Variants in PCDHGB1 observed in about 807,000 individuals in gnomAD.
PCDHGB1 encodes the protein protocadherin gamma subfamily B, 1, also known as protocadherin gamma-B1.
PCDHGB1 carries 34 observed loss-of-function variants against 56.6 expected under a neutral mutation model. That is an observed-to-expected ratio of 0.60 (90% CI 0.46 to 0.80). PCDHGB1 has a LOEUF of 0.80. Ranked by LOEUF, PCDHGB1 falls within the 30% of genes least tolerant of loss-of-function variation. The pLI, the probability that PCDHGB1 is intolerant of heterozygous loss-of-function variation, is 0.00. For synonymous variants in PCDHGB1, 561 were observed against 505.9 expected (o/e 1.11, Z -1.46); for missense variants, 1,278 against 1,204.6 (o/e 1.06, Z -0.90).
Position 141,491,417 on chromosome 5 carries a change from G to A in PCDHGB1, c.2410-3390G>A, listed in dbSNP as rs200843744. 5 of 1,613,988 alleles carry A rather than the reference G, an allele frequency of 3.1e-6. No homozygotes were observed. The highest frequency in any genetic ancestry group is 1.1e-5 in the South Asian group (1 of 91,092). Reference sequence around the variant, plus strand: ...CAGGGAAACGCAGACGGGGACGGGGGTGGAGGGCAGTGCTGCAGGCGCCAG... The same window carrying A: ...CAGGGAAACGCAGACGGGGACGGGGATGGAGGGCAGTGCTGCAGGCGCCAG... On this transcript the variant is annotated intron_variant, in intron 1 of 3. Transcript: ENST00000523390. The surrounding 1 kb of genome is among the most constrained non-coding windows in gnomAD (Gnocchi z 6.9).
At chr5:141,390,285 A>T (rs1428739924) in intron 1 of PCDHGB1, 1 of 1,613,968 alleles carries the variant, frequency 6.2e-7, no homozygotes, top group Non-Finnish European at 8.5e-7. Flanking sequence ...CCATCAGGTG[A>T]GTTTCCTTTA....
At chr5:141,464,407 A>C (rs996561936) in intron 1 of PCDHGB1, among the ~76,000 whole-genome samples, 1 of 151,544 alleles carries the variant, frequency 6.6e-6, no homozygotes, top group Non-Finnish European at 1.5e-5. Flanking sequence ...CCTGAGATAT[A>C]TATATATCTA....
Position 141,415,580 on chromosome 5 carries a change from A to C in PCDHGB1, c.2409+62911A>C, listed in dbSNP as rs773634634. The C allele has an allele frequency of 4.3e-6, 7 of 1,613,976 alleles. No individual in the cohort carries two copies. The Admixed American group carries it at 1.2e-4, about 27-fold the overall frequency. Reference sequence around the variant, plus strand: ...CCTTTGTCTTTGTTAGATGATTCGAAGTTTCCTATAGAGGATACCCCATTG... The same window carrying C: ...CCTTTGTCTTTGTTAGATGATTCGACGTTTCCTATAGAGGATACCCCATTG... On this transcript the variant is annotated intron_variant, in intron 1 of 3. Transcript: ENST00000523390.
At chr5:141,355,770 G>A in intron 1 of PCDHGB1, 1 of 1,613,888 alleles carries the variant, frequency 6.2e-7, no homozygotes. Context: ...ATGGGATTAA[G>A]TACCCAGAGC....
chr5:141,421,614 T>C (rs552534116), intron 1 of PCDHGB1: 3 of 1,613,810 alleles, frequency 1.9e-6, no homozygotes, highest in South Asian at 2.2e-5. Flanking sequence ...ATATTAATGA[T>C]AACGCCCCCA....
In PCDHGB1 at chr5:141,433,051, G is replaced by A. The variant is rs754102028; in HGVS notation, c.2410-61756G>A. The A allele has an allele frequency of 1.8e-5, 29 of 1,614,066 alleles. No homozygotes were observed. In the East Asian group the frequency reaches 2.5e-4, roughly 14 times the overall value. On this transcript the variant is annotated intron_variant, in intron 1 of 3. Transcript: ENST00000523390. ...AGGTTTCCCTCACCACGGACTCGCG[G>A]AAGAGTCACCTGATCTTCCCCCAGC...
In PCDHGB1 at chr5:141,374,145, G is replaced by A. The variant is rs749263007; in HGVS notation, c.2409+21476G>A. 36 of 1,610,792 alleles carry A rather than the reference G, an allele frequency of 2.2e-5. No homozygotes were observed. In the Admixed American group the frequency reaches 2.8e-4, roughly 13 times the overall value. ...CAGGTCCTGCTCCTCACGCTCCTGG[G>A]GACGCTGTGGGGGGCCGCGGCAGCG... On this transcript the variant is annotated intron_variant, in intron 1 of 3. Transcript: ENST00000523390.
In PCDHGB1 at chr5:141,350,309, C is replaced by G; in HGVS notation, c.49C>G (p.Pro17Ala). Residue 17 changes from proline to alanine, a missense_variant, in exon 1 of 4, where the codon CCC (proline) becomes GCC (alanine). By Grantham distance (27) the Pro-to-Ala change is conservative. Transcript: ENST00000523390. ...AEMMKSQVLF[P>A]FLLSLFCGAI... ...AATGATGAAAAGTCAGGTACTGTTT[C>G]CCTTCCTGCTGTCTTTGTTCTGCGG... 6.6e-7 allele frequency: 1 copy of G among 1,522,304 alleles called. No homozygotes were observed. The highest frequency in any genetic ancestry group is 8.8e-7 in the Non-Finnish European group (1 of 1,137,142). The allele number at this position is 1,522,304 out of a possible 1,614,324, so 94.3% of individuals were successfully genotyped here. A position where few individuals can be genotyped will look rare whatever the true frequency, so the allele number is the denominator to read the frequency against.
chr5:141,469,370 A>T (rs1453825795), intron 1 of PCDHGB1, among the ~76,000 whole-genome samples: 1 of 152,106 alleles, frequency 6.6e-6, no homozygotes, highest in Non-Finnish European at 1.5e-5. Flanking sequence ...AGGTAAAGAG[A>T]TCGAGACCAT....
At chr5:141,355,533 A>C in intron 1 of PCDHGB1, 1 of 1,614,070 alleles carries the variant, frequency 6.2e-7, no homozygotes, top group Non-Finnish European at 8.5e-7. Flanking sequence ...TTCTTCTAGA[A>C]GATACAGTGA....
Position 141,491,963 on chromosome 5 carries a change from C to A in PCDHGB1, c.2410-2844C>A. ...CCCCCACCCCTACACTCAAAAAAGG[C>A]CGGGGCCTCCTTCGAGCTTCCGGTG... On this transcript the variant is annotated intron_variant, in intron 1 of 3. Coordinates refer to ENST00000523390, the MANE Select transcript of PCDHGB1 (RefSeq NM_018922.3). This position sits in a 1 kb window ranked among gnomAD's most constrained non-coding sequence, Gnocchi z 6.9. 2 of 944,828 alleles carry A rather than the reference C, an allele frequency of 2.1e-6. No homozygotes were observed. Among genetic ancestry groups the A allele is most frequent in the Non-Finnish European group, 3.0e-6 (2 of 670,874 alleles). 58.5% of individuals were successfully genotyped at this position (944,828 alleles called of 1,614,324 possible).
chr5:141,493,336 A>G lies in PCDHGB1; in HGVS notation c.2410-1471A>G, dbSNP rs1049621539. Among the ~76,000 whole-genome samples, 4 of 152,202 alleles carry G rather than the reference A, an allele frequency of 2.6e-5. No homozygotes were observed. Among genetic ancestry groups the G allele is most frequent in the African/African-American group, 9.7e-5 (4 of 41,450 alleles). On this transcript the variant is annotated intron_variant, in intron 1 of 3. Transcript: ENST00000523390. The surrounding 1 kb of genome is among the most constrained non-coding windows in gnomAD (Gnocchi z 4.3). ...GAGATTCTAACCCCTGTCTAACTCC[A>G]GAATGTGTGCTTTTAATTTCTTGGC...
At chr5:141,364,829 C>T in intron 1 of PCDHGB1, 2 of 1,614,008 alleles carry the variant, frequency 1.2e-6, no homozygotes, top group Non-Finnish European at 1.7e-6. Context: ...TGTGAACTCT[C>T]TCCGGAGTTA....
rs749781059 is a variant in PCDHGB1 at position 141,477,983 on chromosome 5, C to G, written c.2410-16824C>G. On this transcript the variant is annotated intron_variant, in intron 1 of 3. Coordinates refer to ENST00000523390, the MANE Select transcript of PCDHGB1 (RefSeq NM_018922.3). This position sits in a 1 kb window ranked among gnomAD's most constrained non-coding sequence, Gnocchi z 4.9. ...TAACCAGAGCCTTTTTGCCATAGGG[C>G]TGCACACTGGTCAAATCAGTACTGC... The G allele has an allele frequency of 1.7e-5, 27 of 1,614,126 alleles. No homozygotes were observed. The highest frequency in any genetic ancestry group is 2.3e-5 in the Non-Finnish European group (27 of 1,180,024).
At chr5:141,419,528 G>A (rs966922299) in intron 1 of PCDHGB1, 10 of 1,612,056 alleles carry the variant, frequency 6.2e-6, no homozygotes, top group Admixed American at 1.7e-5. Flanking sequence ...CGACCGTAAC[G>A]ACAACGCACC....
intron 1 of PCDHGB1, chr5:141,430,838 G>C (rs866767896): frequency 1.3e-6 from 2 of 1,563,026 alleles, no homozygotes; most frequent in Middle Eastern, 1.7e-4. Context: ...GTGGGAGACC[G>C]GATGCACCCA....
chr5:141,414,472 A>G (rs1039987036), intron 1 of PCDHGB1: 1 of 1,613,914 alleles, frequency 6.2e-7, no homozygotes, highest in African/African-American at 1.3e-5. Flanking sequence ...AGATGGGGGA[A>G]GTCCTCCTCT....
intron 2 of PCDHGB1, among the ~76,000 whole-genome samples, chr5:141,500,469 A>G (rs917974103): frequency 1.3e-5 from 2 of 152,052 alleles, no homozygotes; most frequent in East Asian, 1.9e-4. Context: ...TCGGCCTCCC[A>G]AAGTGCTGGG....
intron 1 of PCDHGB1, chr5:141,404,364 T>A (rs1353392173): frequency 2.5e-6 from 4 of 1,613,962 alleles, no homozygotes; most frequent in Non-Finnish European, 3.4e-6. Context: ...GGTACTTCCA[T>A]CTTCTCCGTG....
Sources: gnomAD v4.1 joint callset for allele counts (sites outside exome capture counted in the v4.1 genomes callset) on GRCh38, gnomAD v4.1.1 for gene constraint, Gnocchi (gnomAD v3.1) non-coding constraint, MANE v1.5 for transcripts, NCBI Gene and HGNC (gene_info 2026-07-23, HGNC 2026-07-21) for gene names.